Variants in CSMD3 observed in about 807,000 individuals in gnomAD.
The protein encoded by CSMD3 is CUB and sushi domain-containing protein 3.
A neutral mutation model predicts 435.2 loss-of-function variants in CSMD3; 177 were observed. The observed-to-expected ratio is 0.41, with a 90% CI of 0.36 to 0.46. CSMD3 has a LOEUF of 0.46. Among genes scored for constraint, CSMD3 ranks in the 20% least tolerant of loss-of-function variants. The pLI, the probability that CSMD3 is intolerant of heterozygous loss-of-function variation, is 0.34. For synonymous variants in CSMD3, 1,656 were observed against 1,520.5 expected (o/e 1.09, Z -2.07); for missense variants, 4,265 against 4,504.6 (o/e 0.95, Z 1.52).
intron 66 of CSMD3, 77 bp from the exon 67 acceptor site, chr8:112,237,425 T>C: frequency 9.5e-7 from 1 of 1,050,878 alleles, no homozygotes; most frequent in East Asian, 2.5e-5. Context: ...AGTATTAGTT[T>C]ATTGAATAAT....
intron 55 of CSMD3, among the ~76,000 whole-genome samples, chr8:112,292,012 A>G (rs1243404879): frequency 6.6e-6 from 1 of 152,064 alleles, no homozygotes; most frequent in African/African-American, 2.4e-5. Context: ...CAGGAGAATG[A>G]TAATTAGGTT....
intron 23 of CSMD3, among the ~76,000 whole-genome samples, chr8:112,586,837 A>T (rs1830767231): frequency 7.9e-6 from 1 of 126,280 alleles, no homozygotes; most frequent in African/African-American, 3.2e-5. Flanking sequence ...ATCATAAAAC[A>T]AAAATTTACC....
intron 10 of CSMD3, among the ~76,000 whole-genome samples, chr8:112,868,981 A>C (rs2081059624): frequency 6.6e-6 from 1 of 152,162 alleles, no homozygotes. Flanking sequence ...TGACAACAAA[A>C]GCATAGGCAA....
intron 1 of CSMD3, among the ~76,000 whole-genome samples, chr8:113,343,272 A>G (rs1588558865): frequency 6.6e-6 from 1 of 152,298 alleles, no homozygotes; most frequent in African/African-American, 2.4e-5. Flanking sequence ...GGTCTTAATG[A>G]GTTAATCAAT....
chr8:113,153,394 A>T (rs748555717), intron 4 of CSMD3, among the ~76,000 whole-genome samples: 9 of 152,102 alleles, frequency 5.9e-5, no homozygotes, highest in Non-Finnish European at 1.0e-4. Flanking sequence ...CATAATTATT[A>T]TAAGAGGCAT....
At chr8:113,286,815 G>A (rs561432509) in intron 2 of CSMD3, among the ~76,000 whole-genome samples, 10 of 151,958 alleles carry the variant, frequency 6.6e-5, no homozygotes, top group Non-Finnish European at 1.2e-4. Context: ...AAATTAAGAG[G>A]TTATTAGCAT....
At chr8:112,650,749 A>G (rs1402842353) in intron 18 of CSMD3, among the ~76,000 whole-genome samples, 2 of 149,074 alleles carry the variant, frequency 1.3e-5, no homozygotes, top group Non-Finnish European at 3.0e-5. Flanking sequence ...GAGTAGAGGC[A>G]TTTTGCAAGG....
At chr8:112,882,652 G>T (rs891528853) in intron 10 of CSMD3, among the ~76,000 whole-genome samples, 1 of 151,844 alleles carries the variant, frequency 6.6e-6, no homozygotes, top group African/African-American at 2.4e-5. Flanking sequence ...CCTCAATCTT[G>T]ACAAAATAAA....
chr8:112,241,768 C>T lies in CSMD3; in HGVS notation c.10420G>A (p.Val3474Met), dbSNP rs1206609958. The change falls in exon 66 of 71, where the codon GTG becomes ATG. Residue 3474 changes from valine (V) to methionine (M), a missense_variant. Physicochemically the swap from Val to Met is conservative, Grantham distance 21 (BLOSUM62 1). Transcript: ENST00000297405. ...PICEAGSKILVKDPRPALGTP... is the reference protein window; with the variant it reads ...PICEAGSKILMKDPRPALGTP... Reference sequence around the variant, plus strand: ...CCCAGTGCAGGTCTAGGATCTTTCACCAATATTTTAGAACCAGCTATGAAA... The same window carrying T: ...CCCAGTGCAGGTCTAGGATCTTTCATCAATATTTTAGAACCAGCTATGAAA... 1 of 1,612,238 alleles carries T rather than the reference C, an allele frequency of 6.2e-7. No individual in the cohort carries two copies. The highest frequency in any genetic ancestry group is 2.2e-5 in the East Asian group (1 of 44,816).
chr8:112,691,121 A>C (rs1046920952), intron 13 of CSMD3, among the ~76,000 whole-genome samples: 4 of 152,138 alleles, frequency 2.6e-5, no homozygotes, highest in Non-Finnish European at 5.9e-5. Context: ...ATCATACTTT[A>C]ACTTTTATTA....
chr8:113,186,212 C>G (rs149903244), intron 3 of CSMD3, among the ~76,000 whole-genome samples: 1 of 151,926 alleles, frequency 6.6e-6, no homozygotes, highest in Admixed American at 6.6e-5. Context: ...TAGGGCTGTG[C>G]CCTATGTGGG....
At chr8:112,305,554 G>C (rs1312383506) in intron 51 of CSMD3, among the ~76,000 whole-genome samples, 1 of 152,020 alleles carries the variant, frequency 6.6e-6, no homozygotes, top group East Asian at 1.9e-4. Context: ...GACAGCAATA[G>C]GAACTCTTCT....
At chr8:113,389,415 T>A (rs2094452503) in intron 1 of CSMD3, among the ~76,000 whole-genome samples, 2 of 151,632 alleles carry the variant, frequency 1.3e-5, no homozygotes, top group Non-Finnish European at 3.0e-5. Context: ...TATCCTCTTA[T>A]CTTTCCCACA....
intron 4 of CSMD3, among the ~76,000 whole-genome samples, chr8:113,108,153 G>C (rs907457632): frequency 6.6e-6 from 1 of 152,128 alleles, no homozygotes; most frequent in East Asian, 1.9e-4. Context: ...TATGAGGCTG[G>C]GGATGGTGGC....
chr8:112,263,528 G>C, intron 61 of CSMD3, 111 bp downstream of exon 61: 1 of 838,158 alleles, frequency 1.2e-6, no homozygotes, highest in Non-Finnish European at 2.0e-6. Flanking sequence ...GGTAAATACT[G>C]ATTTTTCTTT....
At position 112,668,421 on chromosome 8, in the gene CSMD3, T is replaced by C. The variant is rs118139564; in HGVS notation, c.2678-2006A>G. Among the ~76,000 whole-genome samples, 611 of 152,256 alleles carry C rather than the reference T, an allele frequency of 4.0e-3. 14 individuals are homozygous for C. The East Asian group carries it at 0.073, about 18-fold the overall frequency. On this transcript the variant is annotated intron_variant, in intron 16 of 70. Coordinates refer to ENST00000297405, the MANE Select transcript of CSMD3 (RefSeq NM_198123.2). ...AAAGTATTCACTCATTCATTCAACCTAATCATCATTAGACGAGGTAATTAG... is the reference window on the plus strand; with the variant it reads ...AAAGTATTCACTCATTCATTCAACCCAATCATCATTAGACGAGGTAATTAG...
intron 58 of CSMD3, among the ~76,000 whole-genome samples, chr8:112,285,126 C>T (rs954700004): frequency 2.6e-5 from 4 of 151,968 alleles, no homozygotes; most frequent in African/African-American, 9.7e-5. Flanking sequence ...GTATTTGCTA[C>T]AACTAATAGT....
At chr8:112,482,283 C>T (rs528868891) in intron 31 of CSMD3, among the ~76,000 whole-genome samples, 1 of 152,238 alleles carries the variant, frequency 6.6e-6, no homozygotes, top group African/African-American at 2.4e-5. Context: ...TCCATGTTAC[C>T]ACATACAAAT....
rs1246257672 is a variant in CSMD3 at position 112,974,448 on chromosome 8, A to T, written c.1342+1389T>A. On this transcript the variant is annotated intron_variant, in intron 7 of 70. Transcript: ENST00000297405. ...CCAGATAGCCTACCAATATTAGCTC[A>T]TGCAATTTTCCAAAGAGAATGAAAA... Among the ~76,000 whole-genome samples the T allele has an allele frequency of 4.6e-5, 7 of 151,988 alleles. No individual in the cohort carries two copies. In the East Asian group the frequency reaches 1.4e-3, roughly 29 times the overall value.
Sources: allele counts gnomAD v4.1 joint callset (sites outside exome capture counted in the v4.1 genomes callset), GRCh38; gene constraint gnomAD v4.1.1; transcripts MANE v1.5; gene names NCBI Gene and HGNC (gene_info 2026-07-23, HGNC 2026-07-21).